TNKS: variants seen among roughly 807,000 people sequenced by gnomAD.
The protein encoded by TNKS is tankyrase.
In TNKS, 72 loss-of-function variants were observed where a neutral mutation model predicts 135.8. The ratio of observed to expected loss-of-function variants is 0.53; its 90% CI spans 0.44 to 0.64. The LOEUF (loss-of-function observed/expected upper bound fraction) is 0.64, where lower values mean the gene tolerates loss of function less well. Among genes scored for constraint, TNKS ranks in the 30% least tolerant of loss-of-function variants. TNKS has a pLI of 0.00. For missense variants in TNKS, 1,769 were observed against 1,674.0 expected, an observed-to-expected ratio of 1.06 and a Z score of -0.99; for synonymous variants, 849 against 649.3, an observed-to-expected ratio of 1.31 and a Z score of -4.68.
chr8:9,706,850 A>T lies in TNKS; in HGVS notation c.1309A>T (p.Thr437Ser). The stretch of plus-strand genomic sequence containing the variant: ...TAATGCCATGGATCTCTGGCAGTTT[A>T]CTCCACTGCACGAGGCTGCTTCCAA... ...CVNAMDLWQF[T>S]PLHEAASKNR... is the part of the protein sequence containing the mutation. The change falls in exon 8 of 27, where the codon ACT becomes TCT. Residue 437 changes from threonine (T) to serine (S), a missense_variant. Physicochemically the swap from Thr to Ser is moderately conservative, Grantham distance 58 (BLOSUM62 1). This residue lies in a region of TNKS where 523 missense variants were observed against 541.0 expected (regional missense o/e 0.97). Coordinates refer to ENST00000310430, the MANE Select transcript of TNKS (RefSeq NM_003747.3). The T allele has an allele frequency of 6.2e-7, 1 of 1,613,486 alleles. No individual in the cohort carries two copies. The highest frequency in any genetic ancestry group is 8.5e-7 in the Non-Finnish European group (1 of 1,179,814).
At chr8:9,632,830 T>C (rs530158021) in intron 3 of TNKS, among the ~76,000 whole-genome samples, 16 of 152,204 alleles carry the variant, frequency 1.1e-4, no homozygotes, top group Non-Finnish European at 1.9e-4. Flanking sequence ...CCCGGGTTCA[T>C]ACCATTCTCC....
chr8:9,720,671 C>A, intron 12 of TNKS, 126 bp downstream of exon 12: 1 of 1,088,738 alleles, frequency 9.2e-7, no homozygotes, highest in Non-Finnish European at 1.3e-6. Flanking sequence ...GCAATTTAGC[C>A]TGTGGACTTC....
intron 4 of TNKS, among the ~76,000 whole-genome samples, chr8:9,680,407 G>A (rs1320431755): frequency 1.3e-5 from 2 of 151,964 alleles, no homozygotes; most frequent in African/African-American, 2.4e-5. Flanking sequence ...ACAGCATTTT[G>A]TATGTATTTT....
chr8:9,576,835 A>G (rs1406290259), intron 1 of TNKS, among the ~76,000 whole-genome samples: 2 of 152,192 alleles, frequency 1.3e-5, no homozygotes, highest in Non-Finnish European at 2.9e-5. Context: ...ATGTGAATAT[A>G]TGAAATATAT....
At chr8:9,734,753 G>C (rs1221639422) in intron 15 of TNKS, 112 bp from the exon 16 acceptor site, 3 of 885,026 alleles carry the variant, frequency 3.4e-6, no homozygotes, top group Non-Finnish European at 5.2e-6. Context: ...AATGCATATA[G>C]AGTAGATATC....
intron 1 of TNKS, among the ~76,000 whole-genome samples, chr8:9,572,781 T>C (rs1468611287): frequency 1.3e-5 from 2 of 152,208 alleles, no homozygotes; most frequent in African/African-American, 4.8e-5. Flanking sequence ...TGTGAATTAC[T>C]GTGTTTAGTG....
intron 3 of TNKS, chr8:9,671,191 A>G (rs1802254944): frequency 6.6e-6 from 1 of 152,118 alleles, no homozygotes; most frequent in East Asian, 1.9e-4. Flanking sequence ...TGGTTTGGCT[A>G]TTTCTTAACA....
chr8:9,569,479 A>G (rs189943467), intron 1 of TNKS, among the ~76,000 whole-genome samples: 1 of 152,262 alleles, frequency 6.6e-6, no homozygotes, highest in Non-Finnish European at 1.5e-5. Flanking sequence ...AGTCAGTACT[A>G]TTTTGTGGGA....
At chr8:9,577,446 G>A (rs1797991346) in intron 1 of TNKS, among the ~76,000 whole-genome samples, 1 of 152,134 alleles carries the variant, frequency 6.6e-6, no homozygotes, top group Admixed American at 6.5e-5. Context: ...TTTGTAGACT[G>A]TACAGGAAGC....
intron 2 of TNKS, chr8:9,615,232 G>C (rs1563118627): frequency 6.0e-6 from 1 of 167,862 alleles, no homozygotes; most frequent in Non-Finnish European, 1.3e-5. Context: ...GTAGTAAAGA[G>C]AGGGCAGGTT....
intron 21 of TNKS, among the ~76,000 whole-genome samples, chr8:9,762,387 A>G (rs191308020): frequency 6.6e-6 from 1 of 152,326 alleles, no homozygotes; most frequent in African/African-American, 2.4e-5. Flanking sequence ...TGAAACTAAC[A>G]AAGATAATGT....
At chr8:9,668,627 T>G (rs957078893) in intron 3 of TNKS, among the ~76,000 whole-genome samples, 7 of 152,240 alleles carry the variant, frequency 4.6e-5, no homozygotes, top group Admixed American at 6.5e-5. Context: ...TGTTTTTAAC[T>G]GAAATGGTGT....
intron 3 of TNKS, among the ~76,000 whole-genome samples, chr8:9,650,265 A>G (rs1801096325): frequency 6.6e-6 from 1 of 152,040 alleles, no homozygotes; most frequent in Non-Finnish European, 1.5e-5. Flanking sequence ...GCAGTTGCAA[A>G]TTGTGCTGCT....
At chr8:9,740,917 C>G (rs907263249) in intron 17 of TNKS, 2 of 144,340 alleles carry the variant, frequency 1.4e-5, no homozygotes, top group Non-Finnish European at 3.0e-5. Flanking sequence ...TCACGCCATT[C>G]TCCTGCCTCA....
intron 20 of TNKS, among the ~76,000 whole-genome samples, chr8:9,753,006 C>T (rs528084780): frequency 8.4e-4 from 128 of 151,932 alleles, no homozygotes; most frequent in African/African-American, 2.8e-3. Flanking sequence ...TTGCCACCCA[C>T]CTCTTCCTCT....
At chr8:9,743,178 C>G (rs1429864478) in intron 17 of TNKS, among the ~76,000 whole-genome samples, 2 of 152,186 alleles carry the variant, frequency 1.3e-5, no homozygotes, top group East Asian at 3.8e-4. Flanking sequence ...AATACAGCTT[C>G]TATTCTGAAA....
intron 21 of TNKS, 76 bp from the exon 22 acceptor site, chr8:9,763,063 ATTTTTTTT>A (rs66959741): frequency 3.0e-5 from 11 of 363,378 alleles, no homozygotes; most frequent in African/African-American, 2.3e-4. Flanking sequence ...CTTATTATGA[ATTTTTTTT>A]TTTTTTTTTT....
chr8:9,608,515 G>T (rs781050349), intron 2 of TNKS, among the ~76,000 whole-genome samples: 4 of 151,796 alleles, frequency 2.6e-5, no homozygotes, highest in African/African-American at 9.7e-5. Context: ...AGCACCTTGC[G>T]ACCTCTACTC....
chr8:9,681,832 G>A (rs1226225572), intron 5 of TNKS, among the ~76,000 whole-genome samples: 2 of 152,030 alleles, frequency 1.3e-5, no homozygotes, highest in Non-Finnish European at 2.9e-5. Flanking sequence ...TCCAAAAATA[G>A]TGGCAAGGAA....
Sources: gnomAD v4.1 joint callset for allele counts (sites outside exome capture counted in the v4.1 genomes callset) on GRCh38, gnomAD v4.1.1 for gene constraint, gnomAD v4.1.1 regional missense constraint, MANE v1.5 for transcripts, NCBI Gene and HGNC (gene_info 2026-07-23, HGNC 2026-07-21) for gene names.